The following NUP54 variants were observed in gnomAD, a reference collection of about 807,000 sequenced individuals.
The protein encoded by NUP54 is nucleoporin 54.
A neutral mutation model predicts 66.4 loss-of-function variants in NUP54; 27 were observed. The observed-to-expected ratio is 0.41, with a 90% confidence interval of 0.30 to 0.56. The LOEUF (loss-of-function observed/expected upper bound fraction) is 0.56. Ranked by LOEUF, NUP54 falls within the 20% of genes least tolerant of loss-of-function variation. The pLI, the probability that NUP54 is intolerant of heterozygous loss-of-function variation, is 0.34. For synonymous variants in NUP54, 206 were observed against 210.7 expected, an observed-to-expected ratio of 0.98 and a Z score of 0.19; for missense variants, 486 against 596.3, an observed-to-expected ratio of 0.82 and a Z score of 1.93.
At chr4:76,142,846 G>A (rs1301158410) in intron 3 of NUP54, among the ~76,000 whole-genome samples, 2 of 152,072 alleles carry the variant, frequency 1.3e-5, no homozygotes, top group African/African-American at 4.8e-5. Context: ...AAAGGCTGCA[G>A]TTTCTGACAT....
intron 3 of NUP54, among the ~76,000 whole-genome samples, chr4:76,138,646 A>G (rs941441616): frequency 1.3e-5 from 2 of 152,198 alleles, no homozygotes; most frequent in Non-Finnish European, 2.9e-5. Context: ...GTACTAAATA[A>G]GGGAGCTGAT....
At position 76,125,847 on chromosome 4, in the gene NUP54, A is replaced by G. The variant is rs918638113; in HGVS notation, c.1057-1091T>C. Among the ~76,000 whole-genome samples, 77 of 40,886 alleles carry G rather than the reference A, an allele frequency of 1.9e-3. 1 individual carries two copies. The highest frequency in any genetic ancestry group is 2.4e-3 in the Non-Finnish European group (59 of 24,514). The allele number at this position is 40,886 out of a possible 152,430, so 26.8% of individuals were successfully genotyped here. A position where few individuals can be genotyped will look rare whatever the true frequency, so the allele number is the denominator to read the frequency against. ...GAAAGGGGGAGAGAGGGAGAGAGGGAGAGAGGGGGAGGGGGAGGGAGAGAG... is the reference window on the plus strand; with the variant it reads ...GAAAGGGGGAGAGAGGGAGAGAGGGGGAGAGGGGGAGGGGGAGGGAGAGAG... On this transcript the variant is annotated intron_variant, in intron 8 of 11. Coordinates refer to ENST00000264883, the MANE Select transcript of NUP54 (RefSeq NM_017426.4).
intron 1 of NUP54, 103 bp downstream of exon 1, chr4:76,148,205 C>T: frequency 1.1e-6 from 1 of 917,744 alleles, no homozygotes; most frequent in East Asian, 3.3e-5. Flanking sequence ...GTCTCCGCGT[C>T]GGCGGGAGAT....
chr4:76,144,275 G>A lies in NUP54; in HGVS notation c.169C>T (p.Gln57Ter). 1 of 1,613,068 alleles carries A rather than the reference G, an allele frequency of 6.2e-7. No homozygotes were observed. The highest frequency in any genetic ancestry group is 8.5e-7 in the Non-Finnish European group (1 of 1,179,774). ...TGTTGLFGGTQNKGFGFGTGF... is the reference protein window; with the variant it reads ...TGTTGLFGGT The stretch of plus-strand genomic sequence containing the variant: ...GTACCAAATCCAAAACCTTTGTTCT[G>A]AGTACCACCAAAGAGTCCTTTGAAT... Residue 57 changes from glutamine (Q) to a stop codon, truncating the protein, a stop_gained, in exon 3 of 12, where the codon CAG becomes TAG. Coordinates refer to ENST00000264883, the MANE Select transcript of NUP54 (RefSeq NM_017426.4). LOFTEE classifies it high-confidence loss of function.
chr4:76,125,242 T>C (rs1730418796), intron 8 of NUP54, among the ~76,000 whole-genome samples: 1 of 129,434 alleles, frequency 7.7e-6, no homozygotes, highest in Admixed American at 7.8e-5. Flanking sequence ...ATCGTGCCAC[T>C]GCACTCCAGC....
At chr4:76,143,186 C>T (rs553963014) in intron 3 of NUP54, among the ~76,000 whole-genome samples, 4 of 152,092 alleles carry the variant, frequency 2.6e-5, no homozygotes, top group Non-Finnish European at 5.9e-5. Flanking sequence ...CCAGATCTAA[C>T]CCAATCATCA....
chr4:76,130,803 CAAG>C, intron 7 of NUP54, 54 bp from the exon 8 acceptor site: 3 of 1,182,698 alleles, frequency 2.5e-6, no homozygotes, highest in Non-Finnish European at 3.8e-6. Context: ...CTACAAAATA[CAAG>C]AAGTGAAGGT....
At chr4:76,126,972 C>T (rs1730563310) in intron 8 of NUP54, among the ~76,000 whole-genome samples, 1 of 151,880 alleles carries the variant, frequency 6.6e-6, no homozygotes, top group African/African-American at 2.4e-5. Flanking sequence ...AGATACACTA[C>T]AAAGCCATAA....
intron 9 of NUP54, among the ~76,000 whole-genome samples, chr4:76,123,281 C>T (rs60573877): frequency 0.13 from 20,020 of 152,134 alleles, 1,539 homozygotes; most frequent in East Asian, 0.35. Flanking sequence ...CTAGAATAAT[C>T]AAAATAACAC....
chr4:76,134,505 T>G (rs929844706), intron 4 of NUP54, 143 bp from the exon 5 acceptor site: 2 of 716,114 alleles, frequency 2.8e-6, no homozygotes, highest in Non-Finnish European at 2.2e-6. Context: ...TTCCCACCAT[T>G]TTGTGCCCTA....
intron 11 of NUP54, 131 bp from the exon 12 acceptor site, chr4:76,115,625 G>C (rs1306174307): frequency 1.9e-6 from 1 of 524,230 alleles, no homozygotes; most frequent in Non-Finnish European, 3.2e-6. Flanking sequence ...TAAATATAGA[G>C]GGCATGCATA....
intron 8 of NUP54, among the ~76,000 whole-genome samples, chr4:76,125,627 AGAGGGG>A (rs1560678703): frequency 1.0e-4 from 2 of 20,062 alleles, no homozygotes; most frequent in African/African-American, 2.7e-4. Context: ...AGGGAGAGGG[AGAGGGG>A]GAGAGGGGGA....
intron 6 of NUP54, 125 bp downstream of exon 6, chr4:76,132,398 T>TA: frequency 1.7e-6 from 1 of 603,268 alleles, no homozygotes; most frequent in East Asian, 3.0e-5. Flanking sequence ...CCCAAATAAG[T>TA]AGATATATGA....
rs772666099 is a variant in NUP54 at position 76,134,327 on chromosome 4, A to G, written c.558T>C (p.Asp186=). The part of the protein sequence containing the change: ...VGYSCMPSNK[D]EDGLVVLVFN... ...AAACTAAAACCACTAGCCCATCTTC[A>G]TCTTTATTACTGGGCATGCAACTAT... Residue 186 remains aspartate, a synonymous_variant, in exon 5 of 12, where the codon GAT becomes GAC. Coordinates refer to ENST00000264883, the MANE Select transcript of NUP54 (RefSeq NM_017426.4). The G allele has an allele frequency of 2.5e-6, 4 of 1,613,776 alleles. No individual in the cohort carries two copies. The South Asian group carries it at 4.4e-5, about 18-fold the overall frequency.
At chr4:76,118,949 T>A (rs952829471) in intron 9 of NUP54, among the ~76,000 whole-genome samples, 1 of 151,990 alleles carries the variant, frequency 6.6e-6, no homozygotes, top group Non-Finnish European at 1.5e-5. Context: ...GAGCTTGCAG[T>A]GAGCCTAGAT....
chr4:76,125,347 C>CGCGCGT (rs1367046897), intron 8 of NUP54, among the ~76,000 whole-genome samples: 5 of 148,792 alleles, frequency 3.4e-5, no homozygotes, highest in Non-Finnish European at 7.5e-5. Flanking sequence ...CACACACACA[C>CGCGCGT]ACACGGCTGG....
intron 3 of NUP54, among the ~76,000 whole-genome samples, chr4:76,136,977 G>C (rs1452922366): frequency 6.6e-6 from 1 of 152,076 alleles, no homozygotes; most frequent in African/African-American, 2.4e-5. Flanking sequence ...ACCTTATAAC[G>C]TTAAATTTGT....
chr4:76,138,300 A>T (rs1731124494), intron 3 of NUP54, among the ~76,000 whole-genome samples: 1 of 152,042 alleles, frequency 6.6e-6, no homozygotes, highest in Non-Finnish European at 1.5e-5. Flanking sequence ...CTCTATACCG[A>T]GACATATGCA....
rs1729879993 is a variant in NUP54 at position 76,114,876 on chromosome 4, G to A, written c.*490C>T. On this transcript the variant is annotated 3_prime_UTR_variant, in exon 12 of 12. Coordinates refer to ENST00000264883, the MANE Select transcript of NUP54 (RefSeq NM_017426.4). Reference sequence around the variant, plus strand: ...AAAAACAAAACATTAAATGCTTTTGGATTTTCTTTACTCCTCCCACAGATG... The same window carrying A: ...AAAAACAAAACATTAAATGCTTTTGAATTTTCTTTACTCCTCCCACAGATG... 1 of 151,978 alleles carries A rather than the reference G, an allele frequency of 6.6e-6. No homozygotes were observed. The highest frequency in any genetic ancestry group is 1.5e-5 in the Non-Finnish European group (1 of 68,004). The allele number at this position is 151,978 out of a possible 1,614,324, so 9.4% of individuals were successfully genotyped here.
Sources: gnomAD v4.1 joint callset for allele counts (sites outside exome capture counted in the v4.1 genomes callset) on GRCh38, gnomAD v4.1.1 for gene constraint, MANE v1.5 for transcripts, NCBI Gene and HGNC (gene_info 2026-07-23, HGNC 2026-07-21) for gene names.